The following IPMK variants were observed in gnomAD, a reference collection of about 807,000 sequenced individuals.
IPMK encodes the protein inositol 1,3,4,6-tetrakisphosphate 5-kinase.
In IPMK, 17 loss-of-function variants were observed where a neutral mutation model predicts 45.8. That is an observed-to-expected ratio of 0.37 (90% CI 0.25 to 0.56). The LOEUF (loss-of-function observed/expected upper bound fraction) is 0.56. IPMK is among the 20% of genes least tolerant of loss of function. The pLI is 0.79. For synonymous variants in IPMK, 180 were observed against 184.3 expected (o/e 0.98, Z 0.19); for missense variants, 399 against 498.0 (o/e 0.80, Z 1.89).
At chr10:58,216,102 AT>A in intron 4 of IPMK, 42 bp downstream of exon 4, 1 of 1,247,872 alleles carries the variant, frequency 8.0e-7, no homozygotes. Flanking sequence ...AGGGAAGAAC[AT>A]GTACAGAGAA....
At chr10:58,253,787 T>C (rs896907809) in intron 1 of IPMK, among the ~76,000 whole-genome samples, 4 of 151,162 alleles carry the variant, frequency 2.6e-5, no homozygotes, top group African/African-American at 9.7e-5. Context: ...ATAGCTTTAC[T>C]GGGTACAATA....
At chr10:58,207,089 G>A (rs766622064) in intron 4 of IPMK, among the ~76,000 whole-genome samples, 22 of 152,220 alleles carry the variant, frequency 1.4e-4, no homozygotes, top group South Asian at 6.2e-4. Flanking sequence ...TGCAAACTCC[G>A]CCTCCTGGGT....
At chr10:58,214,610 A>T (rs1177666517) in intron 4 of IPMK, among the ~76,000 whole-genome samples, 1 of 152,138 alleles carries the variant, frequency 6.6e-6, no homozygotes, top group Non-Finnish European at 1.5e-5. Context: ...CCCAAATATC[A>T]AATTCAATTT....
intron 4 of IPMK, among the ~76,000 whole-genome samples, chr10:58,200,655 C>A (rs1368352743): frequency 6.6e-6 from 1 of 152,136 alleles, no homozygotes; most frequent in Non-Finnish European, 1.5e-5. Flanking sequence ...TCTGATTAAA[C>A]AGTGATCAGG....
At chr10:58,242,905 T>C (rs1224122641) in intron 1 of IPMK, among the ~76,000 whole-genome samples, 1 of 152,120 alleles carries the variant, frequency 6.6e-6, no homozygotes, top group African/African-American at 2.4e-5. Flanking sequence ...TCATAAGATC[T>C]GGTAGTTTGA....
Position 58,215,988 on chromosome 10 carries a change from T to A in IPMK, c.546+157A>T, listed in dbSNP as rs1274675484. ...CAGTGAACAAAAAAAAAAAATTTTTTAATCCTTGCCCTCACTTTTCACATT... is the reference window on the plus strand; with the variant it reads ...CAGTGAACAAAAAAAAAAAATTTTTAAATCCTTGCCCTCACTTTTCACATT... On this transcript the variant is annotated intron_variant, in intron 4 of 5. Coordinates refer to ENST00000373935, the MANE Select transcript of IPMK (RefSeq NM_152230.5). 2.0e-5 allele frequency among the ~76,000 whole-genome samples: 3 copies of A among 152,108 alleles called. No individual in the cohort carries two copies. The East Asian group carries it at 5.8e-4, about 29-fold the overall frequency.
intron 4 of IPMK, among the ~76,000 whole-genome samples, chr10:58,208,290 G>A (rs1564528856): frequency 6.6e-6 from 1 of 152,082 alleles, no homozygotes. Flanking sequence ...ATCTCCTTGA[G>A]TAGCTTAATA....
At position 58,211,901 on chromosome 10, in the gene IPMK, C is replaced by CAAAAAAAAAAAAAAAAAAAA. The variant is rs753050298; in HGVS notation, c.546+4224_546+4243dup. On this transcript the variant is annotated intron_variant, in intron 4 of 5. Coordinates refer to ENST00000373935, the MANE Select transcript of IPMK (RefSeq NM_152230.5). ...CACTCCAGCCTGGGTGACATCTCAC[C>CAAAAAAAAAAAAAAAAAAAA]AAAAAAAAAAAAAAAAAAAAAAAAT... Among the ~76,000 whole-genome samples the CAAAAAAAAAAAAAAAAAAAA allele has an allele frequency of 1.0e-3, 51 of 50,366 alleles. 2 individuals carry two copies. The highest frequency in any genetic ancestry group is 1.3e-3 in the Non-Finnish European group (37 of 28,356). 33.0% of individuals were successfully genotyped at this position (50,366 alleles called of 152,430 possible). A position where few individuals can be genotyped will look rare whatever the true frequency, so the allele number is the denominator to read the frequency against.
At chr10:58,203,130 G>A (rs1698437) in intron 4 of IPMK, among the ~76,000 whole-genome samples, 20,376 of 152,140 alleles carry the variant, frequency 0.13, 1,706 homozygotes, top group African/African-American at 0.24. Flanking sequence ...GAGTTTGGAA[G>A]AAGTTAATTC....
rs756617519 is a variant in IPMK at position 58,237,794 on chromosome 10, C to T, written c.211G>A (p.Gly71Ser). The change falls in exon 2 of 6, where the codon GGC becomes AGC. Residue 71 changes from glycine to serine, a missense_variant. Around this residue, in one of 2 missense-constraint regions of IPMK, gnomAD observed 111 missense variants for 99.9 expected, o/e 1.11. Coordinates refer to ENST00000373935, the MANE Select transcript of IPMK (RefSeq NM_152230.5). Reference protein sequence around the residue: ...DKVGILQHPDGTVLKQLQPPP... With the variant: ...DKVGILQHPDSTVLKQLQPPP... Reference sequence around the variant, plus strand: ...GGTTGTAACTGTTTCAAAACTGTGCCATCTGGATGTTGCAGTATACCTATG... The same window carrying T: ...GGTTGTAACTGTTTCAAAACTGTGCTATCTGGATGTTGCAGTATACCTATG... 7 of 1,613,572 alleles carry T rather than the reference C, an allele frequency of 4.3e-6. No homozygotes were observed. Among genetic ancestry groups the T allele is most frequent in the Non-Finnish European group, 5.1e-6 (6 of 1,179,690 alleles).
intron 1 of IPMK, among the ~76,000 whole-genome samples, chr10:58,247,197 A>G (rs1393950824): frequency 6.7e-6 from 1 of 148,366 alleles, no homozygotes; most frequent in Non-Finnish European, 1.5e-5. Context: ...ACACTTTTAC[A>G]CTGTTGCTGG....
At chr10:58,208,320 T>C (rs756231579) in intron 4 of IPMK, among the ~76,000 whole-genome samples, 5 of 152,160 alleles carry the variant, frequency 3.3e-5, no homozygotes, top group African/African-American at 4.8e-5. Flanking sequence ...CTGAATTCTT[T>C]ATATGGCAAT....
chr10:58,233,917 C>T (rs2486478), intron 2 of IPMK, among the ~76,000 whole-genome samples: 10,190 of 152,162 alleles, frequency 0.067, 795 homozygotes, highest in African/African-American at 0.19. Flanking sequence ...ATTTAGAAAA[C>T]CCCATCGTCT....
At chr10:58,198,103 G>C (rs558386378) in intron 5 of IPMK, among the ~76,000 whole-genome samples, 21 of 152,218 alleles carry the variant, frequency 1.4e-4, no homozygotes, top group Non-Finnish European at 2.6e-4. Context: ...CTAAAACCTA[G>C]AGTCAAATTT....
chr10:58,252,361 T>C, intron 1 of IPMK, among the ~76,000 whole-genome samples: 1 of 152,146 alleles, frequency 6.6e-6, no homozygotes, highest in Non-Finnish European at 1.5e-5. Flanking sequence ...GAGTTTTGTC[T>C]TTTAGTCTTC....
chr10:58,214,938 G>A (rs1838221886), intron 4 of IPMK, among the ~76,000 whole-genome samples: 1 of 152,102 alleles, frequency 6.6e-6, no homozygotes, highest in East Asian at 1.9e-4. Flanking sequence ...TACCATCGGA[G>A]GTGGAGTCTG....
intron 4 of IPMK, among the ~76,000 whole-genome samples, chr10:58,205,325 A>G (rs1175159726): frequency 6.6e-6 from 1 of 152,220 alleles, no homozygotes; most frequent in Non-Finnish European, 1.5e-5. Flanking sequence ...GGATTTATAT[A>G]CAGCTCAATA....
At chr10:58,218,209 T>C (rs1028983805) in intron 3 of IPMK, among the ~76,000 whole-genome samples, 2 of 151,286 alleles carry the variant, frequency 1.3e-5, no homozygotes, top group African/African-American at 4.9e-5. Context: ...AAAGAAGGGT[T>C]TTCCCAGACA....
Position 58,208,822 on chromosome 10 carries a change from C to T in IPMK, c.546+7323G>A, listed in dbSNP as rs11527538. Reference sequence around the variant, plus strand: ...CAGGCCCATAGAGGGGGTATCCCTGCATAGGCAGCAGATGTCGCTAAGGCA... The same window carrying T: ...CAGGCCCATAGAGGGGGTATCCCTGTATAGGCAGCAGATGTCGCTAAGGCA... On this transcript the variant is annotated intron_variant, in intron 4 of 5. Coordinates refer to ENST00000373935, the MANE Select transcript of IPMK (RefSeq NM_152230.5). Among the ~76,000 whole-genome samples the T allele has an allele frequency of 1.5e-4, 23 of 152,324 alleles. No homozygotes were observed. In the East Asian group the frequency reaches 4.2e-3, roughly 28 times the overall value.
Sources: gnomAD v4.1 joint callset for allele counts (sites outside exome capture counted in the v4.1 genomes callset) on GRCh38, gnomAD v4.1.1 for gene constraint, gnomAD v4.1.1 regional missense constraint, MANE v1.5 for transcripts, NCBI Gene and HGNC (gene_info 2026-07-23, HGNC 2026-07-21) for gene names.